The following TRPC5 variants were observed in gnomAD, a reference collection of about 807,000 sequenced individuals.
TRPC5 encodes short transient receptor potential channel 5.
Under a neutral mutation model 56.5 loss-of-function variants are expected in TRPC5, and 9 were observed. That is an observed-to-expected ratio of 0.16 (90% CI 0.10 to 0.28). TRPC5 has a LOEUF of 0.28. Among genes scored for constraint, TRPC5 ranks in the 10% least tolerant of loss-of-function variants. The pLI is 1.00. For missense variants in TRPC5, 469 were observed against 748.9 expected (o/e 0.63, Z 4.36); for synonymous variants, 282 against 278.5 (o/e 1.01, Z -0.13).
In TRPC5 at chrX:111,966,013, C is replaced by A. The variant is rs909303729; in HGVS notation, c.-21-13572G>T. On this transcript the variant is annotated intron_variant, in intron 1 of 10. Coordinates refer to ENST00000262839, the MANE Select transcript of TRPC5 (RefSeq NM_012471.3). ...CTGAAGGAAATAGAGACACAAAAAA[C>A]CCTTCAAAAAATTAATGAATCCAGG... Among the ~76,000 whole-genome samples, 5 of 111,583 alleles carry A rather than the reference C, an allele frequency of 4.5e-5. No individual in the cohort carries two copies. In the Admixed American group the frequency reaches 4.7e-4, roughly 11 times the overall value.
At chrX:111,905,914 CAA>C (rs1202912083) in intron 3 of TRPC5, among the ~76,000 whole-genome samples, 6 of 36,994 alleles carry the variant, frequency 1.6e-4, no homozygotes, top group Admixed American at 6.7e-4. Flanking sequence ...GTCTCTGTCT[CAA>C]AAAAAAAAAA....
intron 3 of TRPC5, among the ~76,000 whole-genome samples, chrX:111,875,572 CT>C (rs771241425): frequency 0.034 from 2,417 of 70,439 alleles, 31 homozygotes; most frequent in Non-Finnish European, 0.039. Context: ...TTTTTTCTTT[CT>C]TTTTTTTTTT....
chrX:112,070,180 T>G (rs1315544356), intron 1 of TRPC5, among the ~76,000 whole-genome samples: 1 of 111,903 alleles, frequency 8.9e-6, no homozygotes, highest in African/African-American at 3.3e-5. Context: ...GACAGGCTGG[T>G]ATGGGATTCA....
chrX:111,807,954 C>CTGTG (rs1158422740), intron 7 of TRPC5, among the ~76,000 whole-genome samples: 2,289 of 85,222 alleles, frequency 0.027, 92 homozygotes, highest in African/African-American at 0.16. Context: ...CTCTCTCTCT[C>CTGTG]TCTGTGTGTG....
At chrX:111,812,196 A>T (rs1448873391) in intron 7 of TRPC5, among the ~76,000 whole-genome samples, 2 of 110,474 alleles carry the variant, frequency 1.8e-5, no homozygotes, top group South Asian at 3.9e-4. Context: ...TCCTTTAAAA[A>T]TTTTCTAAAG....
At chrX:112,035,596 G>A (rs899904090) in intron 1 of TRPC5, among the ~76,000 whole-genome samples, 1 of 109,830 alleles carries the variant, frequency 9.1e-6, no homozygotes, top group Non-Finnish European at 1.9e-5. Flanking sequence ...ATATATCTTT[G>A]ATTATTATCT....
chrX:111,778,825 C>T (rs1054148367), intron 10 of TRPC5, among the ~76,000 whole-genome samples, 160 bp downstream of exon 10: 2 of 111,796 alleles, frequency 1.8e-5, no homozygotes, highest in African/African-American at 3.2e-5. Flanking sequence ...AAAATCTCTC[C>T]GTCTACTGGA....
intron 3 of TRPC5, among the ~76,000 whole-genome samples, chrX:111,879,840 T>C (rs1603071284): frequency 8.9e-6 from 1 of 112,539 alleles, no homozygotes; most frequent in South Asian, 3.7e-4. Context: ...CCCCCATCTG[T>C]TCAACTCTAA....
intron 7 of TRPC5, among the ~76,000 whole-genome samples, chrX:111,832,451 T>C (rs752888682): frequency 4.8e-4 from 54 of 112,333 alleles, no homozygotes; most frequent in African/African-American, 1.6e-3. Flanking sequence ...GTGGTTTCCC[T>C]TTCTGTAACC....
intron 1 of TRPC5, among the ~76,000 whole-genome samples, chrX:112,050,450 G>A (rs937414276): frequency 4.4e-5 from 5 of 112,475 alleles, no homozygotes; most frequent in Non-Finnish European, 9.4e-5. Flanking sequence ...ATAGGTTTGT[G>A]TAAATGTGTG....
At chrX:111,940,062 T>C (rs1204489517) in intron 2 of TRPC5, among the ~76,000 whole-genome samples, 3 of 111,849 alleles carry the variant, frequency 2.7e-5, no homozygotes, top group Admixed American at 9.5e-5. Context: ...TTGTATCCTA[T>C]AAATTTTGAT....
chrX:111,836,519 C>G (rs745814454), intron 6 of TRPC5, among the ~76,000 whole-genome samples: 2 of 111,922 alleles, frequency 1.8e-5, no homozygotes, highest in Non-Finnish European at 3.8e-5. Context: ...TCATCAAGGT[C>G]TCAGCTCAAA....
intron 1 of TRPC5, among the ~76,000 whole-genome samples, chrX:111,989,990 A>G (rs1015020279): frequency 1.8e-5 from 2 of 112,657 alleles, no homozygotes; most frequent in African/African-American, 6.4e-5. Context: ...GAAAGTTGCC[A>G]GCTTTATCTG....
At chrX:111,806,120 T>C (rs916835311) in intron 7 of TRPC5, among the ~76,000 whole-genome samples, 8 of 112,358 alleles carry the variant, frequency 7.1e-5, no homozygotes, top group Admixed American at 3.8e-4. Flanking sequence ...TTACTTAATA[T>C]GTTGGGTTAA....
At chrX:111,950,696 T>C (rs1056428004) in intron 2 of TRPC5, among the ~76,000 whole-genome samples, 1 of 112,296 alleles carries the variant, frequency 8.9e-6, no homozygotes, top group African/African-American at 3.2e-5. Context: ...AGTTCTTGTA[T>C]AGTTCCACCC....
At chrX:111,882,534 G>A (rs755130691) in intron 3 of TRPC5, among the ~76,000 whole-genome samples, 9 of 113,010 alleles carry the variant, frequency 8.0e-5, no homozygotes, top group African/African-American at 1.9e-4. Flanking sequence ...TCAAGACAAG[G>A]CCAAGGCCAA....
intron 1 of TRPC5, among the ~76,000 whole-genome samples, chrX:112,062,923 G>A (rs1350885505): frequency 9.0e-6 from 1 of 111,308 alleles, no homozygotes; most frequent in Non-Finnish European, 1.9e-5. Context: ...GCAGTAAGTA[G>A]GGTAATAGCA....
At position 112,077,822 on chromosome X, in the gene TRPC5, CCTT is replaced by C. The variant is rs1224667263; in HGVS notation, c.-22+4054_-22+4056del. On this transcript the variant is annotated intron_variant, in intron 1 of 10. Coordinates refer to ENST00000262839, the MANE Select transcript of TRPC5 (RefSeq NM_012471.3). ...TAAGAATATCCGTCTGCAAACCTTTCCTTCTTCTTGTACTCTGCTCTAAAAACC... is the reference window on the plus strand; with the variant it reads ...TAAGAATATCCGTCTGCAAACCTTTCCTTCTTGTACTCTGCTCTAAAAACC... Among the ~76,000 whole-genome samples, 5 of 112,144 alleles carry C rather than the reference CCTT, an allele frequency of 4.5e-5. No homozygotes were observed. The South Asian group carries it at 1.5e-3, about 33-fold the overall frequency.
intron 7 of TRPC5, among the ~76,000 whole-genome samples, chrX:111,793,427 G>A (rs1380046523): frequency 1.8e-5 from 2 of 111,918 alleles, no homozygotes; most frequent in South Asian, 3.8e-4. Context: ...ATACATAAAT[G>A]GACAACAAGC....
Sources: allele counts gnomAD v4.1 joint callset (sites outside exome capture counted in the v4.1 genomes callset), GRCh38; gene constraint gnomAD v4.1.1; transcripts MANE v1.5; gene names NCBI Gene and HGNC (gene_info 2026-07-23, HGNC 2026-07-21).